The following RPL37 variants were observed in gnomAD, a reference collection of about 807,000 sequenced individuals.
RPL37 encodes the protein large ribosomal subunit protein eL37.
Under a neutral mutation model 14.8 loss-of-function variants are expected in RPL37, and 1 was observed. The ratio of observed to expected loss-of-function variants is 0.07; its 90% confidence interval spans 0.02 to 0.32. The LOEUF (loss-of-function observed/expected upper bound fraction) is 0.32. RPL37 is among the 10% of genes least tolerant of loss of function. RPL37 has a pLI of 1.00. For synonymous variants in RPL37, 53 were observed against 45.8 expected (o/e 1.16, Z -0.63); for missense variants, 100 against 128.3 (o/e 0.78, Z 1.06).
chr5:40,832,838 G>C (rs1037777303), intron 3 of RPL37: 1 of 478,406 alleles, frequency 2.1e-6, no homozygotes, highest in Non-Finnish European at 3.9e-6. Context: ...CATTGGGCCA[G>C]TATGTTTGTT....
intron 3 of RPL37, 138 bp from the exon 4 acceptor site, chr5:40,832,711 A>C (rs924278404): frequency 1.3e-6 from 1 of 778,612 alleles, no homozygotes; most frequent in Admixed American, 1.7e-5. Context: ...TCAGACATTT[A>C]TTTTTACAAC....
chr5:40,833,227 CTGGACACTCCGGAGACTGAG>C (rs1442089746), intron 3 of RPL37, among the ~76,000 whole-genome samples: 29 of 152,338 alleles, frequency 1.9e-4, no homozygotes, highest in African/African-American at 6.5e-4. Context: ...ATCTTTAAAA[CTGGACACTCCGGAGACTGAG>C]TGGGTAGAGG....
chr5:40,832,553 G>A lies in RPL37; in HGVS notation c.245C>T (p.Thr82Ile). 6.2e-7 allele frequency: 1 copy of A among 1,613,944 alleles called. No homozygotes were observed. Among genetic ancestry groups the A allele is most frequent in the Non-Finnish European group, 8.5e-7 (1 of 1,179,866 alleles). ...AGCTGCCCTCTTGGGTTTAGGTGTT[G>A]TTCCTTCACGGAATCCATGCCTGCA... Reference protein sequence around the residue: ...RRFRHGFREGTTPKPKRAAVA... With the variant: ...RRFRHGFREGITPKPKRAAVA... Residue 82 changes from threonine (T) to isoleucine (I), a missense_variant, in exon 4 of 4, where the codon ACA becomes ATA. Physicochemically the swap from Thr to Ile is moderately conservative, Grantham distance 89. Transcript: ENST00000274242.
Position 40,829,441 on chromosome 5 carries a change from A to G in RPL37, c.*3063T>C, listed in dbSNP as rs1387082691. On this transcript the variant is annotated 3_prime_UTR_variant, in exon 4 of 4. Transcript: ENST00000274242. The stretch of plus-strand genomic sequence containing the variant: ...TACCAACCCTACACCCCATCCTTCT[A>G]ACCTGACAACCAAGGTGTCCAGTTT... 1 of 152,104 alleles carries G rather than the reference A, an allele frequency of 6.6e-6. No individual in the cohort carries two copies. The highest frequency in any genetic ancestry group is 1.5e-5 in the Non-Finnish European group (1 of 68,028). 9.4% of individuals were successfully genotyped at this position (152,104 alleles called of 1,614,324 possible).
rs934294595 is a variant in RPL37, at chr5:40,827,117, A to G, written c.*5387T>C. On this transcript the variant is annotated 3_prime_UTR_variant, in exon 4 of 4. Transcript: ENST00000274242. ...TGAGATGGGTCCATCAGATACAAGG[A>G]TAACTACCCAGCAGGGAACCTCCAA... 1.3e-5 allele frequency: 2 copies of G among 152,194 alleles called. No homozygotes were observed. Among genetic ancestry groups the G allele is most frequent in the African/African-American group, 2.4e-5 (1 of 41,440 alleles). 9.4% of individuals were successfully genotyped at this position (152,194 alleles called of 1,614,324 possible).
At chr5:40,833,042 T>C (rs541870997) in intron 3 of RPL37, among the ~76,000 whole-genome samples, 1 of 152,300 alleles carries the variant, frequency 6.6e-6, no homozygotes, top group Admixed American at 6.5e-5. Context: ...CTAAGAAAGG[T>C]CAACTATCCT....
chr5:40,834,495 A>G lies in RPL37; in HGVS notation c.115T>C (p.Tyr39His), dbSNP rs777588329. ...CACTTTCTCTTGCGCTTGGCAGGGT[A>G]GCCACATTTGCCACAGGTCGACTTC... is the stretch of plus-strand genomic sequence containing the variant. ...LQKSTCGKCGYPAKRKRKYNW... is the reference protein window; with the variant it reads ...LQKSTCGKCGHPAKRKRKYNW... Residue 39 changes from tyrosine to histidine, a missense_variant, in exon 2 of 4, where the codon TAC becomes CAC. Tyr to His is a moderately conservative substitution (Grantham distance 83). Coordinates refer to ENST00000274242, the MANE Select transcript of RPL37 (RefSeq NM_000997.5). 1.2e-6 allele frequency: 2 copies of G among 1,613,844 alleles called. No homozygotes were observed. Among genetic ancestry groups the G allele is most frequent in the East Asian group, 2.2e-5 (1 of 44,892 alleles).
rs1745526729 is a variant in RPL37, at chr5:40,826,737, TAAAGA to T, written c.*5762_*5766del. On this transcript the variant is annotated 3_prime_UTR_variant, in exon 4 of 4. Transcript: ENST00000274242. Reference sequence around the variant, plus strand: ...GCCGGCATAAAATAGCCCCCAGAGGTAAAGAAAACCTCAGGACTGAGGCTGGATAC... The same window carrying T: ...GCCGGCATAAAATAGCCCCCAGAGGTAAACCTCAGGACTGAGGCTGGATAC... The T allele has an allele frequency of 6.6e-6, 1 of 151,814 alleles. No individual in the cohort carries two copies. The highest frequency in any genetic ancestry group is 6.6e-5 in the Admixed American group (1 of 15,222). 9.4% of individuals were successfully genotyped at this position (151,814 alleles called of 1,614,324 possible). A position where few individuals can be genotyped will look rare whatever the true frequency, so the allele number is the denominator to read the frequency against.
rs542096832 is a variant in RPL37, at chr5:40,832,309, T to C, written c.*195A>G. 6.5e-6 allele frequency: 4 copies of C among 614,200 alleles called. No homozygotes were observed. The Admixed American group carries it at 1.0e-4, about 16-fold the overall frequency. 38.0% of individuals were successfully genotyped at this position (614,200 alleles called of 1,614,324 possible). Reference sequence around the variant, plus strand: ...TTGTTTCTCATTGCCTTTAACCGTGTTACAAACCCAGTCCAAAAGTAAACA... The same window carrying C: ...TTGTTTCTCATTGCCTTTAACCGTGCTACAAACCCAGTCCAAAAGTAAACA... On this transcript the variant is annotated 3_prime_UTR_variant, in exon 4 of 4. Transcript: ENST00000274242.
At chr5:40,834,887 A>G in intron 1 of RPL37, 1 of 607,628 alleles carries the variant, frequency 1.6e-6, no homozygotes, top group South Asian at 2.0e-5. Flanking sequence ...ACAGAGCCAA[A>G]CATTCCCAAA....
At chr5:40,833,178 A>G (rs568097481) in intron 3 of RPL37, among the ~76,000 whole-genome samples, 1 of 152,192 alleles carries the variant, frequency 6.6e-6, no homozygotes, top group Non-Finnish European at 1.5e-5. Context: ...GCACATGAAC[A>G]CACCTATGGG....
Position 40,829,713 on chromosome 5 carries a change from T to C in RPL37, c.*2791A>G, listed in dbSNP as rs919952707. ...TATATATATATCAACAATATATAAT[T>C]GTGTCTCAATTAGAGGTGAGGCCTC... On this transcript the variant is annotated 3_prime_UTR_variant, in exon 4 of 4. Transcript: ENST00000274242. 2 of 151,580 alleles carry C rather than the reference T, an allele frequency of 1.3e-5. No homozygotes were observed. The highest frequency in any genetic ancestry group is 4.9e-5 in the African/African-American group (2 of 41,146). 9.4% of individuals were successfully genotyped at this position (151,580 alleles called of 1,614,324 possible). A position where few individuals can be genotyped will look rare whatever the true frequency, so the allele number is the denominator to read the frequency against.
In RPL37 at chr5:40,827,290, A is replaced by T. The variant is rs1310010194; in HGVS notation, c.*5214T>A. 6.6e-6 allele frequency: 1 copy of T among 152,198 alleles called. No homozygotes were observed. The highest frequency in any genetic ancestry group is 1.5e-5 in the Non-Finnish European group (1 of 68,048). 9.4% of individuals were successfully genotyped at this position (152,198 alleles called of 1,614,324 possible). A position where few individuals can be genotyped will look rare whatever the true frequency, so the allele number is the denominator to read the frequency against. Reference sequence around the variant, plus strand: ...TCCAGTCTACACTTTAATCCCACTGAGTTAACTTGCAGCTCACAGCTCCAG... The same window carrying T: ...TCCAGTCTACACTTTAATCCCACTGTGTTAACTTGCAGCTCACAGCTCCAG... On this transcript the variant is annotated 3_prime_UTR_variant, in exon 4 of 4. Coordinates refer to ENST00000274242, the MANE Select transcript of RPL37 (RefSeq NM_000997.5).
intron 3 of RPL37, among the ~76,000 whole-genome samples, chr5:40,833,415 C>G (rs1043964654): frequency 6.6e-6 from 1 of 152,168 alleles, no homozygotes; most frequent in African/African-American, 2.4e-5. Context: ...TGAATCTTAG[C>G]TGAGATCTTA....
At position 40,826,344 on chromosome 5, in the gene RPL37, ATTAT is replaced by A. The variant is rs1479901146; in HGVS notation, c.*6156_*6159del. ...ACGTGGTCAGTTTTCAGTTTTTATC[ATTAT>A]TTATTATTTTATTTTTTATATCCCA... On this transcript the variant is annotated 3_prime_UTR_variant, in exon 4 of 4. Transcript: ENST00000274242. 2.6e-5 allele frequency: 4 copies of A among 151,952 alleles called. No homozygotes were observed. Among genetic ancestry groups the A allele is most frequent in the East Asian group, 1.9e-4 (1 of 5,188 alleles). The allele number at this position is 151,952 out of a possible 1,614,324, so 9.4% of individuals were successfully genotyped here.
chr5:40,832,298 C>A lies in RPL37; in HGVS notation c.*206G>T. On this transcript the variant is annotated 3_prime_UTR_variant, in exon 4 of 4. Transcript: ENST00000274242. ...TGGAATTCTGCTTGTTTCTCATTGC[C>A]TTTAACCGTGTTACAAACCCAGTCC... 3 of 583,228 alleles carry A rather than the reference C, an allele frequency of 5.1e-6. No homozygotes were observed. In the Admixed American group the frequency reaches 8.2e-5, roughly 16 times the overall value. 36.1% of individuals were successfully genotyped at this position (583,228 alleles called of 1,614,324 possible). A position where few individuals can be genotyped will look rare whatever the true frequency, so the allele number is the denominator to read the frequency against.
At chr5:40,832,684 A>G (rs914317445) in intron 3 of RPL37, 111 bp from the exon 4 acceptor site, 2 of 820,196 alleles carry the variant, frequency 2.4e-6, no homozygotes, top group African/African-American at 1.7e-5. Flanking sequence ...GCTGAAATCA[A>G]TACTGCATTC....
intron 3 of RPL37, among the ~76,000 whole-genome samples, chr5:40,833,452 C>G (rs1179519532): frequency 6.6e-6 from 1 of 152,200 alleles, no homozygotes; most frequent in Non-Finnish European, 1.5e-5. Context: ...AGAAACTACT[C>G]TTTAATATGC....
chr5:40,825,950 C>T lies in RPL37; in HGVS notation c.*6554G>A, dbSNP rs888363758. 3.3e-5 allele frequency: 5 copies of T among 152,262 alleles called. No individual in the cohort carries two copies. The highest frequency in any genetic ancestry group is 1.2e-4 in the African/African-American group (5 of 41,458). 9.4% of individuals were successfully genotyped at this position (152,262 alleles called of 1,614,324 possible). On this transcript the variant is annotated 3_prime_UTR_variant, in exon 4 of 4. Coordinates refer to ENST00000274242, the MANE Select transcript of RPL37 (RefSeq NM_000997.5). The stretch of plus-strand genomic sequence containing the variant: ...CAAACTCCTGACCTCAGGTGATCTA[C>T]CCGCCTCAGAGCCTCCCAAGGCGTG...
Sources: allele counts gnomAD v4.1 joint callset (sites outside exome capture counted in the v4.1 genomes callset), GRCh38; gene constraint gnomAD v4.1.1; transcripts MANE v1.5; gene names NCBI Gene and HGNC (gene_info 2026-07-23, HGNC 2026-07-21).